The following CNTNAP2 variants were observed in gnomAD, a reference collection of about 807,000 sequenced individuals.
CNTNAP2 encodes contactin-associated protein-like 2.
In CNTNAP2, 98 loss-of-function variants were observed where a neutral mutation model predicts 155.2. The ratio of observed to expected loss-of-function variants is 0.63; its 90% confidence interval spans 0.54 to 0.75. The LOEUF (loss-of-function observed/expected upper bound fraction) is 0.75. Ranked by LOEUF, CNTNAP2 falls within the 30% of genes least tolerant of loss-of-function variation. The probability of loss-of-function intolerance (pLI) is 0.00; values close to 1 mark genes in which losing one functional copy is unlikely to be tolerated. For missense variants in CNTNAP2, 1,727 were observed against 1,688.1 expected, an observed-to-expected ratio of 1.02 and a Z score of -0.40; for synonymous variants, 651 against 631.2, an observed-to-expected ratio of 1.03 and a Z score of -0.47.
intron 1 of CNTNAP2, among the ~76,000 whole-genome samples, chr7:146,578,783 CAT>C (rs1563142619): frequency 1.3e-5 from 2 of 152,116 alleles, no homozygotes; most frequent in South Asian, 4.1e-4. Flanking sequence ...CTCCTTACCA[CAT>C]GTTATGCACT....
intron 13 of CNTNAP2, among the ~76,000 whole-genome samples, chr7:147,836,656 T>C (rs574690236): frequency 1.3e-5 from 2 of 152,366 alleles, no homozygotes; most frequent in South Asian, 4.1e-4. Context: ...TCTTTCCTGC[T>C]GGACTGTCAC....
At chr7:146,334,601 G>C (rs1235960421) in intron 1 of CNTNAP2, among the ~76,000 whole-genome samples, 1 of 149,914 alleles carries the variant, frequency 6.7e-6, no homozygotes, top group East Asian at 2.0e-4. Context: ...TTTTTTTTCT[G>C]TATTGTATGC....
intron 1 of CNTNAP2, among the ~76,000 whole-genome samples, chr7:146,610,385 C>T (rs909331286): frequency 2.0e-5 from 3 of 152,040 alleles, no homozygotes; most frequent in African/African-American, 4.8e-5. Context: ...CCTGCATGTT[C>T]GGAACCTAAA....
intron 21 of CNTNAP2, among the ~76,000 whole-genome samples, chr7:148,364,576 C>T (rs538913270): frequency 1.5e-4 from 23 of 152,280 alleles, no homozygotes; most frequent in Non-Finnish European, 2.2e-4. Context: ...ATGCACCAAT[C>T]GACACTCTGT....
intron 13 of CNTNAP2, among the ~76,000 whole-genome samples, chr7:147,722,596 T>C (rs1303011409): frequency 6.6e-6 from 1 of 152,110 alleles, no homozygotes; most frequent in Non-Finnish European, 1.5e-5. Flanking sequence ...ATGACTTCTC[T>C]TCCAGATTTA....
At chr7:147,458,095 T>A (rs978125187) in intron 10 of CNTNAP2, among the ~76,000 whole-genome samples, 23 of 151,278 alleles carry the variant, frequency 1.5e-4, no homozygotes, top group African/African-American at 5.3e-4. Context: ...TGATAATCAA[T>A]AATAATTGAT....
intron 8 of CNTNAP2, among the ~76,000 whole-genome samples, chr7:147,170,163 G>A (rs1315677211): frequency 6.6e-6 from 1 of 152,048 alleles, no homozygotes; most frequent in East Asian, 1.9e-4. Context: ...CTCTGTGCAG[G>A]GGTTTTTGTT....
At chr7:146,677,432 T>C (rs1460254385) in intron 1 of CNTNAP2, among the ~76,000 whole-genome samples, 1 of 152,206 alleles carries the variant, frequency 6.6e-6, no homozygotes, top group Non-Finnish European at 1.5e-5. Context: ...GTCACTTCTA[T>C]TGGTCTTGAG....
At chr7:147,485,054 G>A (rs932068036) in intron 10 of CNTNAP2, among the ~76,000 whole-genome samples, 7 of 152,124 alleles carry the variant, frequency 4.6e-5, no homozygotes, top group Non-Finnish European at 1.0e-4. Context: ...GAAAGGGTTT[G>A]TGCCATTGAA....
At chr7:147,558,927 A>G (rs6944341) in intron 11 of CNTNAP2, among the ~76,000 whole-genome samples, 107,200 of 152,050 alleles carry the variant, frequency 0.71, 38,061 homozygotes, top group African/African-American at 0.77. Flanking sequence ...ATTTTTAGAA[A>G]AGACCAGGTT....
chr7:147,073,804 T>C (rs1290217223), intron 4 of CNTNAP2, among the ~76,000 whole-genome samples: 1 of 152,140 alleles, frequency 6.6e-6, no homozygotes, highest in Non-Finnish European at 1.5e-5. Flanking sequence ...ATTGAAGTTG[T>C]TGGTGACCAT....
intron 1 of CNTNAP2, among the ~76,000 whole-genome samples, chr7:146,466,722 T>G (rs17170098): frequency 2.6e-5 from 4 of 152,212 alleles, no homozygotes; most frequent in Admixed American, 2.6e-4. Flanking sequence ...AATTGTTTGA[T>G]GATTTTAGTC....
intron 8 of CNTNAP2, among the ~76,000 whole-genome samples, chr7:147,245,176 C>A (rs139373527): frequency 3.3e-5 from 5 of 152,098 alleles, no homozygotes; most frequent in African/African-American, 1.2e-4. Context: ...CTTGCTGGCC[C>A]TCAGAAGAGT....
chr7:146,734,004 C>T (rs1213774569), intron 1 of CNTNAP2, among the ~76,000 whole-genome samples: 3 of 152,074 alleles, frequency 2.0e-5, no homozygotes, highest in Non-Finnish European at 4.4e-5. Context: ...ACATTAATTT[C>T]TTATAGATAT....
At chr7:147,231,731 G>T (rs1374056856) in intron 8 of CNTNAP2, among the ~76,000 whole-genome samples, 3 of 152,088 alleles carry the variant, frequency 2.0e-5, no homozygotes, top group Non-Finnish European at 4.4e-5. Context: ...ATATGTCTTT[G>T]CTGGAAAATG....
At position 146,140,889 on chromosome 7, in the gene CNTNAP2, G is replaced by C. The variant is rs559548820; in HGVS notation, c.97+23916G>C. 2.6e-4 allele frequency among the ~76,000 whole-genome samples: 40 copies of C among 152,196 alleles called. 2 individuals are homozygous for C. In the South Asian group the frequency reaches 7.9e-3, roughly 30 times the overall value. ...TGGTGGCTGTTGACATTTAGAGGGCGAAAATCGGAACCACTAGAACATCTT... is the reference window on the plus strand; with the variant it reads ...TGGTGGCTGTTGACATTTAGAGGGCCAAAATCGGAACCACTAGAACATCTT... On this transcript the variant is annotated intron_variant, in intron 1 of 23. Coordinates refer to ENST00000361727, the MANE Select transcript of CNTNAP2 (RefSeq NM_014141.6).
intron 15 of CNTNAP2, among the ~76,000 whole-genome samples, chr7:148,018,390 G>A (rs529665285): frequency 6.6e-6 from 1 of 152,256 alleles, no homozygotes; most frequent in South Asian, 2.1e-4. Flanking sequence ...TGTGCTGGGG[G>A]CAGAAATTTC....
At chr7:147,532,278 T>C (rs192155492) in intron 11 of CNTNAP2, among the ~76,000 whole-genome samples, 1 of 152,336 alleles carries the variant, frequency 6.6e-6, no homozygotes, top group Non-Finnish European at 1.5e-5. Flanking sequence ...AAGTTCAAAG[T>C]TCCACACATC....
chr7:146,946,366 C>A (rs1452198016), intron 3 of CNTNAP2, among the ~76,000 whole-genome samples: 1 of 152,012 alleles, frequency 6.6e-6, no homozygotes, highest in Non-Finnish European at 1.5e-5. Flanking sequence ...AAATATATTT[C>A]CATGATATAT....
Sources: allele counts gnomAD v4.1 joint callset (sites outside exome capture counted in the v4.1 genomes callset), GRCh38; gene constraint gnomAD v4.1.1; transcripts MANE v1.5; gene names NCBI Gene and HGNC (gene_info 2026-07-23, HGNC 2026-07-21).